EPB41L5: variants seen among roughly 807,000 people sequenced by gnomAD.
EPB41L5 encodes the protein erythrocyte membrane protein band 4.1 like 5.
EPB41L5 carries 55 observed loss-of-function variants against 106.6 expected under a neutral mutation model. That is an observed-to-expected ratio of 0.52 (90% confidence interval 0.42 to 0.65). The LOEUF (loss-of-function observed/expected upper bound fraction) is 0.65, where lower values mean the gene tolerates loss of function less well. EPB41L5 is among the 30% of genes least tolerant of loss of function. EPB41L5 has a pLI of 0.00. For synonymous variants in EPB41L5, 297 were observed against 306.7 expected (o/e 0.97, Z 0.33); for missense variants, 871 against 882.1 (o/e 0.99, Z 0.16).
intron 14 of EPB41L5, among the ~76,000 whole-genome samples, chr2:120,097,895 A>C (rs1347012417): frequency 6.6e-6 from 1 of 152,208 alleles, no homozygotes; most frequent in African/African-American, 2.4e-5. Flanking sequence ...AACATCACTT[A>C]TAAATATTTT....
Position 120,136,471 on chromosome 2 carries a change from T to A in EPB41L5, c.1599+4756T>A, listed in dbSNP as rs577004074. Reference sequence around the variant, plus strand: ...CAAAACACAGAGTGGCTACATGGATTAAAAAAAAAAAAGCCCCCAATGATC... The same window carrying A: ...CAAAACACAGAGTGGCTACATGGATAAAAAAAAAAAAAGCCCCCAATGATC... On this transcript the variant is annotated intron_variant, in intron 18 of 24. Transcript: ENST00000263713. 2.9e-4 allele frequency among the ~76,000 whole-genome samples: 40 copies of A among 138,534 alleles called. No individual in the cohort carries two copies. In the East Asian group the frequency reaches 6.4e-3, roughly 22 times the overall value. 90.9% of individuals were successfully genotyped at this position (138,534 alleles called of 152,430 possible). A position where few individuals can be genotyped will look rare whatever the true frequency, so the allele number is the denominator to read the frequency against.
intron 14 of EPB41L5, 44 bp from the exon 15 acceptor site, chr2:120,100,200 A>T (rs769146578): frequency 3.3e-6 from 5 of 1,521,638 alleles, no homozygotes; most frequent in Non-Finnish European, 3.6e-6. Flanking sequence ...GAAGTCCTGA[A>T]ATTTCATATA....
intron 3 of EPB41L5, among the ~76,000 whole-genome samples, chr2:120,061,058 T>TTTTTTTTTAAG (rs869213241): frequency 7.2e-6 from 1 of 139,120 alleles, no homozygotes; most frequent in African/African-American, 2.7e-5. Flanking sequence ...TTTTTTTTTT[T>TTTTTTTTTAAG]GAGAAGGAGT....
chr2:120,051,927 A>G (rs1574539134), intron 3 of EPB41L5, among the ~76,000 whole-genome samples: 1 of 152,242 alleles, frequency 6.6e-6, no homozygotes, highest in East Asian at 1.9e-4. Flanking sequence ...CACAGGTTCA[A>G]GTGATTCTTC....
intron 9 of EPB41L5, among the ~76,000 whole-genome samples, chr2:120,077,915 T>G (rs3948130): frequency 0.69 from 104,537 of 151,978 alleles, 37,523 homozygotes; most frequent in Non-Finnish European, 0.79. Context: ...TTATAATCAT[T>G]GGGCAACGTG....
intron 20 of EPB41L5, among the ~76,000 whole-genome samples, chr2:120,148,086 G>A (rs187101633): frequency 6.6e-6 from 1 of 152,140 alleles, no homozygotes; most frequent in African/African-American, 2.4e-5. Flanking sequence ...TAGTATACCT[G>A]TATACCAAAT....
intron 16 of EPB41L5, among the ~76,000 whole-genome samples, chr2:120,117,987 T>C (rs922561275): frequency 1.3e-5 from 2 of 152,236 alleles, no homozygotes; most frequent in African/African-American, 4.8e-5. Flanking sequence ...TGTTTACTTT[T>C]AGTATTTTTC....
chr2:120,072,765 T>A (rs548309597), intron 3 of EPB41L5, among the ~76,000 whole-genome samples: 5 of 152,126 alleles, frequency 3.3e-5, no homozygotes, highest in African/African-American at 9.6e-5. Context: ...GAACATCACA[T>A]ACTGGCGCCT....
intron 16 of EPB41L5, among the ~76,000 whole-genome samples, chr2:120,118,846 A>G (rs1274744155): frequency 6.6e-6 from 1 of 152,234 alleles, no homozygotes; most frequent in East Asian, 1.9e-4. Flanking sequence ...TTTTGGGTAT[A>G]TGCCCAGTAA....
intron 18 of EPB41L5, among the ~76,000 whole-genome samples, chr2:120,140,220 T>A (rs1686111447): frequency 6.6e-6 from 1 of 151,936 alleles, no homozygotes; most frequent in Admixed American, 6.6e-5. Flanking sequence ...AGTGATAGAA[T>A]GGGTAAGAGA....
chr2:120,105,171 A>G (rs1413059534), intron 16 of EPB41L5: 4 of 979,626 alleles, frequency 4.1e-6, no homozygotes, highest in Non-Finnish European at 4.8e-6. Context: ...TAGAATTTCA[A>G]GCTCCTTGGT....
intron 14 of EPB41L5, among the ~76,000 whole-genome samples, chr2:120,099,528 C>T (rs1032377725): frequency 1.3e-5 from 2 of 151,982 alleles, no homozygotes; most frequent in Non-Finnish European, 2.9e-5. Flanking sequence ...CCTGGGTTCA[C>T]GCCATTCTCC....
chr2:120,090,317 C>A, intron 11 of EPB41L5, 30 bp from the exon 12 acceptor site: 1 of 1,538,368 alleles, frequency 6.5e-7, no homozygotes, highest in Non-Finnish European at 8.8e-7. Context: ...AATTAGTAAT[C>A]ATCCTTTTAT....
intron 24 of EPB41L5, among the ~76,000 whole-genome samples, chr2:120,168,939 T>G (rs1687540081): frequency 6.6e-6 from 1 of 152,200 alleles, no homozygotes; most frequent in Non-Finnish European, 1.5e-5. Flanking sequence ...TCTAAGCATT[T>G]GTATGCCTAA....
At chr2:120,083,252 A>G (rs1053423723) in intron 10 of EPB41L5, among the ~76,000 whole-genome samples, 17 of 152,072 alleles carry the variant, frequency 1.1e-4, no homozygotes, top group African/African-American at 3.9e-4. Context: ...AGTGCTATAA[A>G]TTTCCCCCTA....
chr2:120,021,509 C>T (rs1292834968), intron 2 of EPB41L5, among the ~76,000 whole-genome samples: 1 of 151,886 alleles, frequency 6.6e-6, no homozygotes, highest in Non-Finnish European at 1.5e-5. Flanking sequence ...GGTGTGGTGG[C>T]GGACGCCTGT....
intron 3 of EPB41L5, among the ~76,000 whole-genome samples, chr2:120,048,180 AG>A (rs1679951497): frequency 6.6e-6 from 1 of 152,138 alleles, no homozygotes; most frequent in South Asian, 2.1e-4. Flanking sequence ...TCATAACATG[AG>A]TTAGGGAGGA....
chr2:120,110,518 G>T (rs1320201793), intron 16 of EPB41L5, among the ~76,000 whole-genome samples: 1 of 151,946 alleles, frequency 6.6e-6, no homozygotes, highest in Non-Finnish European at 1.5e-5. Context: ...CTCTACTTAG[G>T]CATCTAATAT....
chr2:120,123,802 C>T (rs1405754049), intron 16 of EPB41L5, among the ~76,000 whole-genome samples: 2 of 151,844 alleles, frequency 1.3e-5, no homozygotes, highest in African/African-American at 2.4e-5. Context: ...GGACTACAGG[C>T]GTGTGCCACC....
Sources: allele counts gnomAD v4.1 joint callset (sites outside exome capture counted in the v4.1 genomes callset), GRCh38; gene constraint gnomAD v4.1.1; transcripts MANE v1.5; gene names NCBI Gene and HGNC (gene_info 2026-07-23, HGNC 2026-07-21).